Variants in KLHL1 observed in about 807,000 individuals in gnomAD.
KLHL1 encodes kelch like family member 1, also known as kelch-like protein 1.
Under a neutral mutation model 77.7 loss-of-function variants are expected in KLHL1, and 47 were observed. The observed-to-expected ratio is 0.60, with a 90% CI of 0.48 to 0.77. KLHL1 has a LOEUF of 0.77. Among genes scored for constraint, KLHL1 ranks in the 30% least tolerant of loss-of-function variants. The pLI is 0.00. For missense variants in KLHL1, 925 were observed against 910.8 expected (o/e 1.02, Z -0.20); for synonymous variants, 360 against 325.2 (o/e 1.11, Z -1.15).
At chr13:69,866,163 C>A (rs765542647) in intron 5 of KLHL1, among the ~76,000 whole-genome samples, 3 of 152,080 alleles carry the variant, frequency 2.0e-5, no homozygotes, top group Non-Finnish European at 4.4e-5. Flanking sequence ...AGCACTTATG[C>A]TGAATTGCGG....
intron 3 of KLHL1, among the ~76,000 whole-genome samples, chr13:69,960,369 C>G (rs1474149240): frequency 6.6e-6 from 1 of 151,930 alleles, no homozygotes; most frequent in Admixed American, 6.6e-5. Flanking sequence ...TCGTCTCACA[C>G]CAGTATGAAG....
intron 5 of KLHL1, among the ~76,000 whole-genome samples, chr13:69,843,460 C>T (rs755440570): frequency 2.5e-4 from 38 of 151,530 alleles, no homozygotes; most frequent in Non-Finnish European, 4.1e-4. Flanking sequence ...TATATTAAAA[C>T]GAGTTTCTAT....
chr13:69,811,503 CA>C (rs1051099080), intron 6 of KLHL1, among the ~76,000 whole-genome samples: 1 of 152,002 alleles, frequency 6.6e-6, no homozygotes, highest in Non-Finnish European at 1.5e-5. Context: ...CCATCTGAGA[CA>C]AACACACAGT....
intron 1 of KLHL1, among the ~76,000 whole-genome samples, chr13:70,021,917 C>A (rs1453165922): frequency 6.6e-6 from 1 of 151,908 alleles, no homozygotes; most frequent in Non-Finnish European, 1.5e-5. Context: ...ATGTCTTTGG[C>A]AAGTAGTTTA....
intron 8 of KLHL1, among the ~76,000 whole-genome samples, chr13:69,723,320 A>C (rs1165444618): frequency 6.6e-6 from 1 of 152,158 alleles, no homozygotes; most frequent in Non-Finnish European, 1.5e-5. Context: ...AGAAGAGAGG[A>C]TTTGAATGTT....
intron 5 of KLHL1, among the ~76,000 whole-genome samples, chr13:69,840,603 T>TA (rs1879208478): frequency 6.6e-6 from 1 of 151,846 alleles, no homozygotes; most frequent in African/African-American, 2.4e-5. Context: ...GATGATTAAT[T>TA]ACATTCTTGG....
At chr13:69,706,695 T>C (rs549870267) in intron 10 of KLHL1, among the ~76,000 whole-genome samples, 3 of 152,010 alleles carry the variant, frequency 2.0e-5, no homozygotes, top group East Asian at 3.9e-4. Flanking sequence ...AGATTTCTGG[T>C]AAAAGCGAGA....
At chr13:70,040,086 G>A (rs1396427812) in intron 1 of KLHL1, among the ~76,000 whole-genome samples, 1 of 151,876 alleles carries the variant, frequency 6.6e-6, no homozygotes, top group Non-Finnish European at 1.5e-5. Flanking sequence ...CCTCCCTTAT[G>A]TCTCTTTACC....
At chr13:70,011,430 C>T (rs1885531636) in intron 1 of KLHL1, among the ~76,000 whole-genome samples, 1 of 151,940 alleles carries the variant, frequency 6.6e-6, no homozygotes, top group African/African-American at 2.4e-5. Context: ...TTATTTATGC[C>T]CTTTTCTTCC....
intron 1 of KLHL1, among the ~76,000 whole-genome samples, chr13:70,079,126 TAC>T (rs1006339481): frequency 1.3e-5 from 2 of 152,190 alleles, no homozygotes; most frequent in Non-Finnish European, 2.9e-5. Context: ...CTGCAGTTAA[TAC>T]AGAGTCTCTA....
chr13:69,729,681 C>A (rs1230284064), intron 8 of KLHL1, among the ~76,000 whole-genome samples: 2 of 151,950 alleles, frequency 1.3e-5, no homozygotes, highest in Non-Finnish European at 2.9e-5. Flanking sequence ...AGCCAGTCAT[C>A]AAACCACAGA....
At chr13:69,818,530 T>G (rs968727688) in intron 6 of KLHL1, among the ~76,000 whole-genome samples, 5 of 152,158 alleles carry the variant, frequency 3.3e-5, no homozygotes, top group Non-Finnish European at 7.3e-5. Context: ...GGCATCTTTT[T>G]TTAATTCTAA....
Position 69,744,758 on chromosome 13 carries a change from T to A in KLHL1, c.1640-4202A>T, listed in dbSNP as rs529035533. On this transcript the variant is annotated intron_variant, in intron 7 of 10. Coordinates refer to ENST00000377844, the MANE Select transcript of KLHL1 (RefSeq NM_020866.3). Reference sequence around the variant, plus strand: ...AATTAAGTAATATAATTTAAAAAATTATTTAAAGTTGTTATCTGTGACATT... The same window carrying A: ...AATTAAGTAATATAATTTAAAAAATAATTTAAAGTTGTTATCTGTGACATT... 1.2e-3 allele frequency among the ~76,000 whole-genome samples: 188 copies of A among 152,046 alleles called. 1 individual carries two copies. The highest frequency in any genetic ancestry group is 4.1e-3 in the African/African-American group (172 of 41,560).
rs529774426 is a variant in KLHL1, at chr13:69,789,244, A to T, written c.1639+7494T>A. Among the ~76,000 whole-genome samples the T allele has an allele frequency of 5.9e-5, 9 of 151,700 alleles. No individual in the cohort carries two copies. The East Asian group carries it at 9.7e-4, about 16-fold the overall frequency. On this transcript the variant is annotated intron_variant, in intron 7 of 10. Transcript: ENST00000377844. ...AGACATTGAATTTCAGAATTTTTTT[A>T]AAATTACTTTTTTAAATTATTTTAC... is the stretch of plus-strand genomic sequence containing the variant.
In KLHL1 at chr13:69,917,365, AAAGT is replaced by A. The variant is rs1882480936; in HGVS notation, c.1014+22671_1014+22674del. ...AGGAGAGAATTTTTAAAAATGTACA[AAAGT>A]AAGAAACTCCATATTACATTCACAA... On this transcript the variant is annotated intron_variant, in intron 4 of 10. Transcript: ENST00000377844. 2.0e-5 allele frequency among the ~76,000 whole-genome samples: 3 copies of A among 152,286 alleles called. No individual in the cohort carries two copies. The South Asian group carries it at 6.2e-4, about 32-fold the overall frequency.
At chr13:69,773,512 A>G (rs1875678897) in intron 7 of KLHL1, among the ~76,000 whole-genome samples, 1 of 152,030 alleles carries the variant, frequency 6.6e-6, no homozygotes, top group African/African-American at 2.4e-5. Context: ...AGCACTCAGT[A>G]ATAAATGGTA....
intron 1 of KLHL1, among the ~76,000 whole-genome samples, chr13:70,048,220 T>C (rs534860178): frequency 1.2e-4 from 18 of 152,174 alleles, no homozygotes; most frequent in Non-Finnish European, 2.2e-4. Context: ...AATGGGAACT[T>C]TGAAAATCCT....
chr13:69,786,941 C>A (rs1244781314), intron 7 of KLHL1, among the ~76,000 whole-genome samples: 1 of 152,150 alleles, frequency 6.6e-6, no homozygotes, highest in African/African-American at 2.4e-5. Flanking sequence ...AGGAATCCAA[C>A]TTACAAGGGA....
chr13:70,029,401 G>C (rs1886036339), intron 1 of KLHL1, among the ~76,000 whole-genome samples: 1 of 152,170 alleles, frequency 6.6e-6, no homozygotes, highest in African/African-American at 2.4e-5. Context: ...CCTGATATTT[G>C]AAATTTCAGA....
Sources: gnomAD v4.1 joint callset for allele counts (sites outside exome capture counted in the v4.1 genomes callset) on GRCh38, gnomAD v4.1.1 for gene constraint, MANE v1.5 for transcripts, NCBI Gene and HGNC (gene_info 2026-07-23, HGNC 2026-07-21) for gene names.